HK3: variants seen among roughly 807,000 people sequenced by gnomAD.
HK3 encodes the protein hexokinase 3.
Under a neutral mutation model 91.0 loss-of-function variants are expected in HK3, and 93 were observed. The ratio of observed to expected loss-of-function variants is 1.02; its 90% CI spans 0.86 to 1.21. HK3 has a LOEUF of 1.21. HK3 is among the 50% of genes most tolerant of loss of function. The pLI is 0.00. For synonymous variants in HK3, 519 were observed against 516.9 expected (o/e 1.00, Z -0.06); for missense variants, 1,235 against 1,247.4 (o/e 0.99, Z 0.15).
chr5:176,890,550 C>CT (rs1280212178), intron 6 of HK3, 85 bp downstream of exon 6: 1 of 1,135,168 alleles, frequency 8.8e-7, no homozygotes, highest in Non-Finnish European at 1.3e-6. Flanking sequence ...AGGAAAGCAA[C>CT]TCTCTCAGAA....
chr5:176,887,815 G>A lies in HK3; in HGVS notation c.1305-69C>T. 1 of 1,514,400 alleles carries A rather than the reference G, an allele frequency of 6.6e-7. No individual in the cohort carries two copies. The highest frequency in any genetic ancestry group is 8.9e-7 in the Non-Finnish European group (1 of 1,118,842). 93.8% of individuals were successfully genotyped at this position (1,514,400 alleles called of 1,614,324 possible). On this transcript the variant is annotated intron_variant, in intron 10 of 18. Transcript: ENST00000292432. The surrounding 1 kb of genome is among the most constrained non-coding windows in gnomAD (Gnocchi z 4.9). ...AGACACACACAGGTGTGCACGGCTT[G>A]GCCCTGGACCCCCAGATACATACAG...
Position 176,887,446 on chromosome 5 carries a change from C to T in HK3, c.1600+5G>A, listed in dbSNP as rs776296456. 2.5e-6 allele frequency: 4 copies of T among 1,612,342 alleles called. No homozygotes were observed. Among genetic ancestry groups the T allele is most frequent in the East Asian group, 4.5e-5 (2 of 44,826 alleles). The stretch of plus-strand genomic sequence containing the variant: ...TTCGGTCCCACACTCAGGCCAGGTC[C>T]TTACCGCTGCCGTCAGGGGTGGCCC... On this transcript the variant is annotated splice_donor_5th_base_variant and intron_variant, in intron 11 of 18. Coordinates refer to ENST00000292432, the MANE Select transcript of HK3 (RefSeq NM_002115.3). This position sits in a 1 kb window ranked among gnomAD's most constrained non-coding sequence, Gnocchi z 4.9.
At chr5:176,891,770 C>T (rs755812270) in intron 2 of HK3, among the ~76,000 whole-genome samples, 23 of 152,194 alleles carry the variant, frequency 1.5e-4, no homozygotes, top group Non-Finnish European at 2.9e-4. Context: ...CATTACCTCA[C>T]GGCTCCTTCT....
At position 176,882,047 on chromosome 5, in the gene HK3, T is replaced by C; in HGVS notation, c.2134A>G (p.Asn712Asp). 1.9e-6 allele frequency: 3 copies of C among 1,613,108 alleles called. No homozygotes were observed. Among genetic ancestry groups the C allele is most frequent in the Non-Finnish European group, 2.5e-6 (3 of 1,180,012 alleles). Residue 712 changes from asparagine to aspartate, a missense_variant, in exon 16 of 19, where the codon AAC becomes GAC. Transcript: ENST00000292432. ...VPGDSGRMCI[N>D]MEWGAFGDDG... Reference sequence around the variant, plus strand: ...TCCCCAAAGGCGCCCCACTCCATGTTGATGCACATGCGGCCTGAGTCCCCA... The same window carrying C: ...TCCCCAAAGGCGCCCCACTCCATGTCGATGCACATGCGGCCTGAGTCCCCA...
In HK3 at chr5:176,890,852, A is replaced by G. The variant is rs753873430; in HGVS notation, c.504T>C (p.Ser168=). The G allele has an allele frequency of 9.9e-6, 16 of 1,614,048 alleles. No individual in the cohort carries two copies. In the South Asian group the frequency reaches 1.3e-4, roughly 13 times the overall value. Residue 168 remains serine (S), a synonymous_variant, in exon 5 of 19, where the codon TCT becomes TCC. Coordinates refer to ENST00000292432, the MANE Select transcript of HK3 (RefSeq NM_002115.3). The stretch of plus-strand genomic sequence containing the variant: ...CCAAGCCCGTCTGGTGACAAGGGAA[A>G]GAGAAGCTGAAGCCAAGCTGCAGAC... The part of the protein sequence containing the change: ...KQGLQLGFSF[S]FPCHQTGLDR...
intron 7 of HK3, 25 bp from the exon 8 acceptor site, chr5:176,889,589 C>G: frequency 2.5e-6 from 4 of 1,614,130 alleles, no homozygotes; most frequent in Non-Finnish European, 2.5e-6. Context: ...CCTGTCAAGG[C>G]CTGCTAGCCA....
chr5:176,889,860 C>T (rs1444671963), intron 6 of HK3, 116 bp from the exon 7 acceptor site: 2 of 772,128 alleles, frequency 2.6e-6, no homozygotes, highest in African/African-American at 3.4e-5. Context: ...GTCCATGAAA[C>T]ACATGTCTGC....
chr5:176,890,939 G>C lies in HK3; in HGVS notation c.417C>G (p.Leu139=), dbSNP rs1758750273. Residue 139 remains leucine, a splice_region_variant and synonymous_variant, in exon 5 of 19, where the codon CTC becomes CTG. Coordinates refer to ENST00000292432, the MANE Select transcript of HK3 (RefSeq NM_002115.3). Reference sequence around the variant, plus strand: ...ACAGGCAGTGGGCAGCAAAGTCAAAGAGCTGCAGGAGAAGTGGGGGGGCTC... The same window carrying C: ...ACAGGCAGTGGGCAGCAAAGTCAAACAGCTGCAGGAGAAGTGGGGGGGCTC... The part of the protein sequence containing the change: ...QEVMLGAGQQ[L]FDFAAHCLSE... 6.2e-7 allele frequency: 1 copy of C among 1,614,040 alleles called. No homozygotes were observed. Among genetic ancestry groups the C allele is most frequent in the Non-Finnish European group, 8.5e-7 (1 of 1,180,038 alleles).
Position 176,887,942 on chromosome 5 carries a change from C to T in HK3, c.1305-196G>A, listed in dbSNP as rs544317944. On this transcript the variant is annotated intron_variant, in intron 10 of 18. Transcript: ENST00000292432. The surrounding 1 kb of genome is among the most constrained non-coding windows in gnomAD (Gnocchi z 4.9). ...TAGATATCGAGTCTTGCTCTCTCACCCAAGCTAGAGTGCCACGGAGTGATC... is the reference window on the plus strand; with the variant it reads ...TAGATATCGAGTCTTGCTCTCTCACTCAAGCTAGAGTGCCACGGAGTGATC... Among the ~76,000 whole-genome samples, 1 of 151,982 alleles carries T rather than the reference C, an allele frequency of 6.6e-6. No homozygotes were observed. The highest frequency in any genetic ancestry group is 1.5e-5 in the Non-Finnish European group (1 of 67,956).
In HK3 at chr5:176,897,652, CCT is replaced by C. The variant is rs540937499; in HGVS notation, c.-26-1469_-26-1468del. 2.7e-3 allele frequency among the ~76,000 whole-genome samples: 412 copies of C among 152,282 alleles called. 2 individuals are homozygous for C. The highest frequency in any genetic ancestry group is 8.7e-3 in the African/African-American group (363 of 41,548). ...TCATTCTCTTTGCTACAGAATTCCC[CCT>C]GTCCTTGGCTTTCACGGCCAGTCTC... On this transcript the variant is annotated intron_variant, in intron 1 of 18. Coordinates refer to ENST00000292432, the MANE Select transcript of HK3 (RefSeq NM_002115.3).
At chr5:176,886,889 A>T in intron 13 of HK3, 113 bp downstream of exon 13, 2 of 1,273,922 alleles carry the variant, frequency 1.6e-6, no homozygotes, top group Non-Finnish European at 2.2e-6. Flanking sequence ...TGCCACCACC[A>T]CCAACCCCAG....
At chr5:176,881,620 C>T in intron 17 of HK3, 72 bp downstream of exon 17, 1 of 1,596,742 alleles carries the variant, frequency 6.3e-7, no homozygotes, top group Non-Finnish European at 8.6e-7. Flanking sequence ...CGTCACCACC[C>T]ATGGCCAGCA....
chr5:176,886,343 G>A (rs761445953), intron 13 of HK3, among the ~76,000 whole-genome samples: 1 of 151,900 alleles, frequency 6.6e-6, no homozygotes, highest in Non-Finnish European at 1.5e-5. Context: ...TTGATCACAG[G>A]TGTCTAAGAA....
Position 176,887,042 on chromosome 5 carries a change from A to T in HK3, c.1817T>A (p.Phe606Tyr). Residue 606 changes from phenylalanine (F) to tyrosine (Y), a missense_variant, in exon 13 of 19, where the codon TTT (phenylalanine) becomes TAT (tyrosine). Phe to Tyr is a conservative substitution (Grantham distance 22, BLOSUM62 3). This residue lies in a region of HK3 where 513 missense variants were observed against 477.4 expected (regional missense o/e 1.07). Coordinates refer to ENST00000292432, the MANE Select transcript of HK3 (RefSeq NM_002115.3). This position sits in a 1 kb window ranked among gnomAD's most constrained non-coding sequence, Gnocchi z 4.9. ...CTGCCTACATGGGAAGGAGAAGGTA[A>T]AACCCAGTGGGAGGCTCTGCCCGCT... The part of the protein sequence containing the change: ...GLSGQSLPLG[F>Y]TFSFPCRQLG... 6.2e-7 allele frequency: 1 copy of T among 1,614,162 alleles called. No individual in the cohort carries two copies. Among genetic ancestry groups the T allele is most frequent in the Non-Finnish European group, 8.5e-7 (1 of 1,180,030 alleles).
chr5:176,889,724 A>G lies in HK3; in HGVS notation c.651T>C (p.Val217=). 1 of 1,614,014 alleles carries G rather than the reference A, an allele frequency of 6.2e-7. No homozygotes were observed. The highest frequency in any genetic ancestry group is 8.5e-7 in the Non-Finnish European group (1 of 1,179,984). ...TGCCCACTGTGTCGTTCACCACAGCAACCACGTCGATGTTGTAGGCCTAGA... is the reference window on the plus strand; with the variant it reads ...TGCCCACTGTGTCGTTCACCACAGCGACCACGTCGATGTTGTAGGCCTAGA... ...RRQGAYNIDV[V]AVVNDTVGTM... Residue 217 remains valine, a synonymous_variant, in exon 7 of 19, where the codon GTT becomes GTC. Transcript: ENST00000292432.
At chr5:176,891,291 G>A (rs764784142) in intron 3 of HK3, 97 bp downstream of exon 3, 3 of 1,606,694 alleles carry the variant, frequency 1.9e-6, no homozygotes, top group Admixed American at 1.7e-5. Context: ...TGGTCAAGGG[G>A]CCATAGAGAT....
chr5:176,888,658 C>G, intron 9 of HK3, 51 bp downstream of exon 9: 2 of 1,613,094 alleles, frequency 1.2e-6, no homozygotes, highest in African/African-American at 1.3e-5. Flanking sequence ...AGTATCATCC[C>G]CTTCCTCCAA....
At chr5:176,882,458 C>A (rs184232667) in intron 15 of HK3, among the ~76,000 whole-genome samples, 1 of 152,214 alleles carries the variant, frequency 6.6e-6, no homozygotes, top group African/African-American at 2.4e-5. Flanking sequence ...TAGCTCTCTG[C>A]GGTTGAGAGG....
chr5:176,887,781 T>A lies in HK3; in HGVS notation c.1305-35A>T. The A allele has an allele frequency of 1.3e-6, 2 of 1,570,308 alleles. No individual in the cohort carries two copies. The highest frequency in any genetic ancestry group is 1.7e-6 in the Non-Finnish European group (2 of 1,154,112). On this transcript the variant is annotated intron_variant, in intron 10 of 18. Coordinates refer to ENST00000292432, the MANE Select transcript of HK3 (RefSeq NM_002115.3). The surrounding 1 kb of genome is among the most constrained non-coding windows in gnomAD (Gnocchi z 4.9). ...CATACAGGTGCACCCGGCTTGGCCC[T>A]GGACCCCCAGACACACACAGGTGTG...
Sources: allele counts gnomAD v4.1 joint callset (sites outside exome capture counted in the v4.1 genomes callset), GRCh38; gene constraint gnomAD v4.1.1; regional missense constraint gnomAD v4.1.1; non-coding constraint Gnocchi (gnomAD v3.1); transcripts MANE v1.5; gene names NCBI Gene and HGNC (gene_info 2026-07-23, HGNC 2026-07-21).